Variants in TRPM6 observed in about 807,000 individuals in gnomAD.
TRPM6 encodes channel kinase 2.
A neutral mutation model predicts 247.6 loss-of-function variants in TRPM6; 111 were observed. The observed-to-expected ratio is 0.45, with a 90% confidence interval of 0.38 to 0.52. TRPM6 has a LOEUF of 0.52. Ranked by LOEUF, TRPM6 falls within the 20% of genes least tolerant of loss-of-function variation. TRPM6 has a pLI of 0.00. For missense variants in TRPM6, 2,126 were observed against 2,421.5 expected (o/e 0.88, Z 2.56); for synonymous variants, 892 against 853.8 (o/e 1.04, Z -0.78).
intron 9 of TRPM6, 144 bp downstream of exon 9, chr9:74,820,160 T>C (rs532923728): frequency 2.4e-5 from 21 of 871,906 alleles, no homozygotes; most frequent in Non-Finnish European, 1.3e-5. Context: ...ATTTTCTCCC[T>C]CCCCCCTCCA....
chr9:74,767,687 G>A (rs1020897614), intron 25 of TRPM6, among the ~76,000 whole-genome samples: 3 of 152,108 alleles, frequency 2.0e-5, no homozygotes, highest in Admixed American at 6.6e-5. Flanking sequence ...AGAGCTGCAG[G>A]CTCAGATGCG....
chr9:74,811,699 C>A (rs1488419028), intron 12 of TRPM6, among the ~76,000 whole-genome samples: 1 of 152,170 alleles, frequency 6.6e-6, no homozygotes. Flanking sequence ...AAGAGTCTAT[C>A]TATAAACTAT....
intron 27 of TRPM6, among the ~76,000 whole-genome samples, chr9:74,757,142 C>A (rs1826453406): frequency 6.6e-6 from 1 of 151,258 alleles, no homozygotes; most frequent in Non-Finnish European, 1.5e-5. Flanking sequence ...GGTGCCACTG[C>A]ACTCCAGCCT....
intron 24 of TRPM6, among the ~76,000 whole-genome samples, chr9:74,775,155 C>T (rs1827176531): frequency 6.6e-6 from 1 of 152,144 alleles, no homozygotes; most frequent in Non-Finnish European, 1.5e-5. Context: ...AGGAAAACCT[C>T]AAAATATATA....
At chr9:74,864,556 T>C (rs1368996698) in intron 1 of TRPM6, among the ~76,000 whole-genome samples, 1 of 152,254 alleles carries the variant, frequency 6.6e-6, no homozygotes, top group African/African-American at 2.4e-5. Flanking sequence ...CTAAATAGTC[T>C]GTCCAGGAGG....
Position 74,887,906 on chromosome 9 carries a change from T to A in TRPM6, c.-50A>T. ...AAAGCCCTGTCTGAGCTTTTAACTG[T>A]GGAGGCAGAAACTCTGGGCTCCACC... On this transcript the variant is annotated 5_prime_UTR_variant, in exon 1 of 39. Transcript: ENST00000360774. 1 of 1,612,184 alleles carries A rather than the reference T, an allele frequency of 6.2e-7. No individual in the cohort carries two copies. The highest frequency in any genetic ancestry group is 8.5e-7 in the Non-Finnish European group (1 of 1,178,578).
intron 2 of TRPM6, among the ~76,000 whole-genome samples, chr9:74,856,435 G>A (rs1181745608): frequency 2.8e-5 from 4 of 145,024 alleles, no homozygotes; most frequent in African/African-American, 1.0e-4. Flanking sequence ...GCAAGATCCT[G>A]TCTCAAAATA....
At chr9:74,871,202 C>T (rs979532864) in intron 1 of TRPM6, among the ~76,000 whole-genome samples, 1 of 133,480 alleles carries the variant, frequency 7.5e-6, no homozygotes, top group Non-Finnish European at 1.7e-5. Flanking sequence ...GATAATATTG[C>T]AAATGGTATA....
chr9:74,761,386 A>T (rs999865092), intron 27 of TRPM6, among the ~76,000 whole-genome samples: 1 of 152,186 alleles, frequency 6.6e-6, no homozygotes, highest in African/African-American at 2.4e-5. Flanking sequence ...TTAGCAGATA[A>T]GTAAATTGCA....
chr9:74,808,002 A>T (rs1311342340), intron 14 of TRPM6, 32 bp downstream of exon 14: 1 of 1,612,988 alleles, frequency 6.2e-7, no homozygotes, highest in Non-Finnish European at 8.5e-7. Flanking sequence ...AATCATTCTC[A>T]ATTTTACTTG....
Position 74,809,976 on chromosome 9 carries a change from C to CAAAA in TRPM6, c.1497+835_1497+838dup, listed in dbSNP as rs57812269. Among the ~76,000 whole-genome samples, 103 of 33,558 alleles carry CAAAA rather than the reference C, an allele frequency of 3.1e-3. 9 individuals are homozygous for CAAAA. Among genetic ancestry groups the CAAAA allele is most frequent in the East Asian group, 8.4e-3 (8 of 956 alleles). The allele number at this position is 33,558 out of a possible 152,430, so 22.0% of individuals were successfully genotyped here. Reference sequence around the variant, plus strand: ...CCTGGGCAAGAGCAAAACTCCATCTCAAAAAAAAAAAAAAAAAAAAAAAAA... The same window carrying CAAAA: ...CCTGGGCAAGAGCAAAACTCCATCTCAAAAAAAAAAAAAAAAAAAAAAAAAAAAA... On this transcript the variant is annotated intron_variant, in intron 13 of 38. Transcript: ENST00000360774.
At chr9:74,886,513 CTT>C (rs559658032) in intron 1 of TRPM6, among the ~76,000 whole-genome samples, 78 of 145,874 alleles carry the variant, frequency 5.3e-4, no homozygotes, top group African/African-American at 1.9e-3. Context: ...CTTTTTTTCT[CTT>C]TTTTTTTTTT....
intron 14 of TRPM6, chr9:74,804,678 G>C: frequency 1.3e-6 from 1 of 772,434 alleles, no homozygotes; most frequent in Non-Finnish European, 2.3e-6. Flanking sequence ...GTTCCCTACT[G>C]AAGACTGGAG....
At chr9:74,807,578 G>T (rs1452930809) in intron 14 of TRPM6, among the ~76,000 whole-genome samples, 1 of 151,922 alleles carries the variant, frequency 6.6e-6, no homozygotes. Context: ...TATTCTACAC[G>T]CATCTTTCAA....
intron 7 of TRPM6, among the ~76,000 whole-genome samples, chr9:74,823,762 G>GT (rs1382345288): frequency 6.6e-6 from 1 of 152,110 alleles, no homozygotes; most frequent in African/African-American, 2.4e-5. Context: ...TGAATTTTTT[G>GT]TATCTTGTGC....
chr9:74,737,846 G>A (rs2118727794), intron 36 of TRPM6, among the ~76,000 whole-genome samples: 1 of 152,292 alleles, frequency 6.6e-6, no homozygotes, highest in African/African-American at 2.4e-5. Context: ...GAGATACTCT[G>A]TTTTGTGCCG....
At chr9:74,772,264 C>A (rs542821331) in intron 24 of TRPM6, among the ~76,000 whole-genome samples, 1 of 152,226 alleles carries the variant, frequency 6.6e-6, no homozygotes, top group Non-Finnish European at 1.5e-5. Flanking sequence ...GGCTAAAAAG[C>A]GAGACCCTGT....
chr9:74,842,722 A>C (rs1829983640), intron 3 of TRPM6, among the ~76,000 whole-genome samples: 1 of 152,258 alleles, frequency 6.6e-6, no homozygotes, highest in South Asian at 2.1e-4. Flanking sequence ...AGTGTTCAAT[A>C]GCATTACGTC....
At chr9:74,845,396 C>CA (rs58833333) in intron 3 of TRPM6, among the ~76,000 whole-genome samples, 152,387 of 152,388 alleles carry the variant, frequency 1, 76,193 homozygotes, top group Middle Eastern at 1. Context: ...AAATGTCCAT[C>CA]GTGGAGAAGT....
Sources: allele counts gnomAD v4.1 joint callset (sites outside exome capture counted in the v4.1 genomes callset), GRCh38; gene constraint gnomAD v4.1.1; transcripts MANE v1.5; gene names NCBI Gene and HGNC (gene_info 2026-07-23, HGNC 2026-07-21).